Variants in PPFIBP1 observed in about 807,000 individuals in gnomAD.
PPFIBP1 encodes PPFIB scaffold protein 1.
PPFIBP1 carries 112 observed loss-of-function variants against 137.8 expected under a neutral mutation model. The observed-to-expected ratio is 0.81, with a 90% CI of 0.70 to 0.95. PPFIBP1 has a LOEUF of 0.95. Among genes scored for constraint, PPFIBP1 ranks in the 40% least tolerant of loss-of-function variants. The probability of loss-of-function intolerance (pLI) is 0.00; values close to 1 mark genes in which losing one functional copy is unlikely to be tolerated. For synonymous variants in PPFIBP1, 378 were observed against 417.3 expected (o/e 0.91, Z 1.15); for missense variants, 1,083 against 1,196.6 (o/e 0.91, Z 1.40).
chr12:27,530,352 G>A (rs767671113), intron 1 of PPFIBP1, among the ~76,000 whole-genome samples: 3 of 152,122 alleles, frequency 2.0e-5, no homozygotes, highest in Non-Finnish European at 4.4e-5. Context: ...TTGAACCTGT[G>A]ATCTTGCCAG....
chr12:27,681,660 A>G lies in PPFIBP1; in HGVS notation c.2010A>G (p.Gln670=). 6.2e-7 allele frequency: 1 copy of G among 1,614,192 alleles called. No individual in the cohort carries two copies. The highest frequency in any genetic ancestry group is 8.5e-7 in the Non-Finnish European group (1 of 1,180,012). The change falls in exon 22 of 30, where the codon CAA becomes CAG. Residue 670 remains glutamine, a synonymous_variant. Coordinates refer to ENST00000228425, the MANE Select transcript of PPFIBP1 (RefSeq NM_003622.4). ...NSGKHWIASG[Q]TLLQASQQDL... ...GCAAGCACTGGATTGCATCTGGCCAAACGCTTTTGCAGGCTTCTCAACAAG... is the reference window on the plus strand; with the variant it reads ...GCAAGCACTGGATTGCATCTGGCCAGACGCTTTTGCAGGCTTCTCAACAAG...
intron 1 of PPFIBP1, among the ~76,000 whole-genome samples, chr12:27,540,852 C>A (rs927771000): frequency 2.0e-5 from 3 of 152,152 alleles, no homozygotes; most frequent in Non-Finnish European, 4.4e-5. Flanking sequence ...ATGTTCTCTG[C>A]CCATTTATTG....
chr12:27,688,449 T>G, intron 26 of PPFIBP1, 26 bp downstream of exon 26: 1 of 1,609,920 alleles, frequency 6.2e-7, no homozygotes, highest in Admixed American at 1.7e-5. Context: ...AATTTAAAAT[T>G]GACTTACTTT....
At chr12:27,572,528 A>G (rs2050231343) in intron 1 of PPFIBP1, among the ~76,000 whole-genome samples, 1 of 152,246 alleles carries the variant, frequency 6.6e-6, no homozygotes, top group East Asian at 1.9e-4. Context: ...CACTTCAAAT[A>G]TGATTGCAAA....
Position 27,613,725 on chromosome 12 carries a change from A to G in PPFIBP1, c.-35-19637A>G, listed in dbSNP as rs1476927303. ...CTCAAAAAAAAAAAAAAAGAAAAAA[A>G]AATTCACTCAGAGACCTGAAGTGTC... On this transcript the variant is annotated intron_variant, in intron 2 of 29. Coordinates refer to ENST00000228425, the MANE Select transcript of PPFIBP1 (RefSeq NM_003622.4). 2.0e-5 allele frequency among the ~76,000 whole-genome samples: 3 copies of G among 151,940 alleles called. No individual in the cohort carries two copies. In the East Asian group the frequency reaches 5.8e-4, roughly 30 times the overall value.
At chr12:27,653,097 GT>G (rs59885321) in intron 7 of PPFIBP1, among the ~76,000 whole-genome samples, 151,787 of 152,364 alleles carry the variant, frequency 1, 75,607 homozygotes, top group Middle Eastern at 1. Context: ...ACTGGGAAGT[GT>G]TATTTTATTG....
At chr12:27,527,303 C>G (rs1046184862) in intron 1 of PPFIBP1, among the ~76,000 whole-genome samples, 1 of 151,500 alleles carries the variant, frequency 6.6e-6, no homozygotes, top group African/African-American at 2.4e-5. Flanking sequence ...GGATGGAGTG[C>G]AGTGGTGCAG....
At chr12:27,532,912 T>A (rs534897327) in intron 1 of PPFIBP1, among the ~76,000 whole-genome samples, 2 of 152,306 alleles carry the variant, frequency 1.3e-5, no homozygotes, top group East Asian at 3.9e-4. Flanking sequence ...AAAATGACTC[T>A]GGAAATAGCA....
chr12:27,688,230 C>A, intron 25 of PPFIBP1, 68 bp from the exon 26 acceptor site: 2 of 1,551,176 alleles, frequency 1.3e-6, no homozygotes, highest in Non-Finnish European at 8.8e-7. Context: ...AACTGTACTC[C>A]ATGGAGCAGA....
rs193217257 is a variant in PPFIBP1, at chr12:27,544,366, G to A, written c.-124+20001G>A. Reference sequence around the variant, plus strand: ...CATGACTAAAACACCAAAAGCAATGGCAACAAAAGCCAAAATTGACAAATG... The same window carrying A: ...CATGACTAAAACACCAAAAGCAATGACAACAAAAGCCAAAATTGACAAATG... On this transcript the variant is annotated intron_variant, in intron 1 of 29. Transcript: ENST00000228425. 4.6e-5 allele frequency among the ~76,000 whole-genome samples: 7 copies of A among 152,276 alleles called. No homozygotes were observed. The East Asian group carries it at 1.3e-3, about 29-fold the overall frequency.
chr12:27,646,552 T>A (rs2058510507), intron 5 of PPFIBP1, among the ~76,000 whole-genome samples: 1 of 151,998 alleles, frequency 6.6e-6, no homozygotes, highest in Non-Finnish European at 1.5e-5. Context: ...CTGGATCTGA[T>A]TTTTAAGTAT....
chr12:27,595,408 A>C (rs2053093429), intron 2 of PPFIBP1, among the ~76,000 whole-genome samples: 1 of 152,192 alleles, frequency 6.6e-6, no homozygotes, highest in Non-Finnish European at 1.5e-5. Flanking sequence ...CCCGAGTCTC[A>C]GTGGCTAAAA....
rs542808991 is a variant in PPFIBP1 at position 27,648,550 on chromosome 12, C to T, written c.471+708C>T. Among the ~76,000 whole-genome samples, 6 of 152,246 alleles carry T rather than the reference C, an allele frequency of 3.9e-5. No homozygotes were observed. In the East Asian group the frequency reaches 9.6e-4, roughly 24 times the overall value. ...TATATCGAAGAAATATCTGTGCTCCCGAGTTTGCTGCAGCTCTGTTCACAG... is the reference window on the plus strand; with the variant it reads ...TATATCGAAGAAATATCTGTGCTCCTGAGTTTGCTGCAGCTCTGTTCACAG... On this transcript the variant is annotated intron_variant, in intron 6 of 29. Coordinates refer to ENST00000228425, the MANE Select transcript of PPFIBP1 (RefSeq NM_003622.4).
At chr12:27,567,102 G>A (rs139044409) in intron 1 of PPFIBP1, among the ~76,000 whole-genome samples, 1 of 152,192 alleles carries the variant, frequency 6.6e-6, no homozygotes, top group African/African-American at 2.4e-5. Flanking sequence ...ATATCAATAA[G>A]GAAAAATTAA....
intron 1 of PPFIBP1, among the ~76,000 whole-genome samples, chr12:27,558,566 A>G (rs889249172): frequency 1.2e-5 from 1 of 85,304 alleles, no homozygotes; most frequent in Non-Finnish European, 2.5e-5. Flanking sequence ...AGGTATATAT[A>G]CTCTTCCTTC....
At chr12:27,577,069 G>T (rs2050629799) in intron 1 of PPFIBP1, among the ~76,000 whole-genome samples, 1 of 152,154 alleles carries the variant, frequency 6.6e-6, no homozygotes. Flanking sequence ...GTAGGAGAAA[G>T]AGGAATGGAC....
At chr12:27,602,362 A>C (rs2054090004) in intron 2 of PPFIBP1, among the ~76,000 whole-genome samples, 1 of 152,256 alleles carries the variant, frequency 6.6e-6, no homozygotes, top group South Asian at 2.1e-4. Flanking sequence ...TACATTGTGA[A>C]ATGATTACCA....
intron 4 of PPFIBP1, among the ~76,000 whole-genome samples, chr12:27,645,167 C>A (rs1234439061): frequency 6.6e-6 from 1 of 152,154 alleles, no homozygotes; most frequent in Non-Finnish European, 1.5e-5. Flanking sequence ...TTTCAGCTGG[C>A]TTTTATTTCT....
At chr12:27,593,522 G>A in intron 2 of PPFIBP1, 1 of 402,902 alleles carries the variant, frequency 2.5e-6, no homozygotes, top group Non-Finnish European at 4.9e-6. Flanking sequence ...TGACTGACCT[G>A]AACCATTTCT....
Sources: gnomAD v4.1 joint callset for allele counts (sites outside exome capture counted in the v4.1 genomes callset) on GRCh38, gnomAD v4.1.1 for gene constraint, MANE v1.5 for transcripts, NCBI Gene and HGNC (gene_info 2026-07-23, HGNC 2026-07-21) for gene names.